CDH7: variants seen among roughly 807,000 people sequenced by gnomAD.
CDH7 encodes the protein cadherin 7.
Under a neutral mutation model 71.8 loss-of-function variants are expected in CDH7, and 25 were observed. The ratio of observed to expected loss-of-function variants is 0.35; its 90% confidence interval spans 0.25 to 0.49. The LOEUF (loss-of-function observed/expected upper bound fraction) is 0.49. CDH7 is among the 20% of genes least tolerant of loss of function. The pLI is 0.99. For synonymous variants in CDH7, 381 were observed against 363.8 expected (o/e 1.05, Z -0.54); for missense variants, 862 against 974.6 (o/e 0.88, Z 1.54).
In CDH7 at chr18:65,857,919, A is replaced by G. The variant is rs1175407222; in HGVS notation, c.1339A>G (p.Ile447Val). ...GTCTTTGGATCGAGAGACAAATGCT[A>G]TTCACAATATCACAGTCCTTGCAAT... ...AKSLDRETNA[I>V]HNITVLAMES... Residue 447 changes from isoleucine to valine, a missense_variant, in exon 8 of 12, where the codon ATT (isoleucine) becomes GTT (valine). Coordinates refer to ENST00000397968, the MANE Select transcript of CDH7 (RefSeq NM_004361.5). 5 of 1,613,602 alleles carry G rather than the reference A, an allele frequency of 3.1e-6. No individual in the cohort carries two copies. The Admixed American group carries it at 5.0e-5, about 16-fold the overall frequency.
chr18:65,800,906 T>G (rs1022857308), intron 2 of CDH7, among the ~76,000 whole-genome samples: 1 of 152,168 alleles, frequency 6.6e-6, no homozygotes, highest in African/African-American at 2.4e-5. Flanking sequence ...CCCTTCATTG[T>G]GAAACTAACT....
chr18:65,831,666 C>T (rs1156761689), intron 6 of CDH7, among the ~76,000 whole-genome samples: 1 of 152,038 alleles, frequency 6.6e-6, no homozygotes, highest in Non-Finnish European at 1.5e-5. Context: ...AGGGAGCTTT[C>T]ACAGCAACAG....
intron 7 of CDH7, among the ~76,000 whole-genome samples, chr18:65,850,138 T>A (rs1294648353): frequency 6.8e-6 from 1 of 146,680 alleles, no homozygotes; most frequent in Non-Finnish European, 1.5e-5. Context: ...CACTCCAGCC[T>A]CAGTGACAGA....
chr18:65,763,080 T>C (rs1421942832), intron 2 of CDH7, 28 bp downstream of exon 2: 2 of 1,493,284 alleles, frequency 1.3e-6, no homozygotes, highest in South Asian at 2.5e-5. Flanking sequence ...TTCAAAGTTG[T>C]AAATGATTAT....
At chr18:65,827,336 T>A (rs944145305) in intron 6 of CDH7, among the ~76,000 whole-genome samples, 1 of 151,898 alleles carries the variant, frequency 6.6e-6, no homozygotes, top group Non-Finnish European at 1.5e-5. Flanking sequence ...TCAATGGTGG[T>A]GAAAAATTTC....
intron 11 of CDH7, among the ~76,000 whole-genome samples, chr18:65,880,125 C>T (rs574706323): frequency 6.6e-6 from 1 of 152,256 alleles, no homozygotes; most frequent in South Asian, 2.1e-4. Flanking sequence ...TCAATTTCTT[C>T]TATCAAATAC....
rs1003404939 is a variant in CDH7 at position 65,887,603 on chromosome 18, A to G, written c.*6709A>G. ...ATTTTGTGTGCGTATGTGTGTGTGT[A>G]TATATAGACAGCATGCGCACACATA... On this transcript the variant is annotated 3_prime_UTR_variant, in exon 12 of 12. Coordinates refer to ENST00000397968, the MANE Select transcript of CDH7 (RefSeq NM_004361.5). 2 of 152,130 alleles carry G rather than the reference A, an allele frequency of 1.3e-5. No homozygotes were observed. Among genetic ancestry groups the G allele is most frequent in the African/African-American group, 4.8e-5 (2 of 41,420 alleles). The allele number at this position is 152,130 out of a possible 1,614,324, so 9.4% of individuals were successfully genotyped here. A position where few individuals can be genotyped will look rare whatever the true frequency, so the allele number is the denominator to read the frequency against.
chr18:65,792,351 G>A (rs1910745205), intron 2 of CDH7, among the ~76,000 whole-genome samples: 1 of 152,074 alleles, frequency 6.6e-6, no homozygotes, highest in Non-Finnish European at 1.5e-5. Context: ...GTCAATGTCT[G>A]TTGAATACAA....
chr18:65,793,301 C>G (rs911249728), intron 2 of CDH7, among the ~76,000 whole-genome samples: 4 of 151,514 alleles, frequency 2.6e-5, no homozygotes, highest in African/African-American at 9.7e-5. Context: ...GTTGCGGTGT[C>G]ACGTGTGTGT....
chr18:65,859,758 C>T lies in CDH7; in HGVS notation c.1545C>T (p.His515=), dbSNP rs1010808629. The change falls in exon 10 of 12, where the codon CAC becomes CAT. Residue 515 remains histidine (H), a synonymous_variant. Transcript: ENST00000397968. The part of the protein sequence containing the change: ...AVDKDEPSNG[H]QFYFSLTTDA... ...ATAAAGATGAGCCATCCAATGGACACCAGTTTTACTTCAGCTTAACAACGG... is the reference window on the plus strand; with the variant it reads ...ATAAAGATGAGCCATCCAATGGACATCAGTTTTACTTCAGCTTAACAACGG... 1 of 1,612,174 alleles carries T rather than the reference C, an allele frequency of 6.2e-7. No individual in the cohort carries two copies. Among genetic ancestry groups the T allele is most frequent in the African/African-American group, 1.3e-5 (1 of 74,850 alleles).
Position 65,844,084 on chromosome 18 carries a change from C to T in CDH7, c.1235+19C>T. ...CTGTGAGGTAAAAACTCATTGTTGT[C>T]CTTTTCTATGGTTTTACAAACAATG... On this transcript the variant is annotated intron_variant, in intron 7 of 11. Coordinates refer to ENST00000397968, the MANE Select transcript of CDH7 (RefSeq NM_004361.5). 1 of 1,606,130 alleles carries T rather than the reference C, an allele frequency of 6.2e-7. No individual in the cohort carries two copies. Among genetic ancestry groups the T allele is most frequent in the Non-Finnish European group, 8.5e-7 (1 of 1,175,934 alleles).
rs1458562949 is a variant in CDH7 at position 65,782,151 on chromosome 18, TTTC to T, written c.210+19102_210+19104del. Among the ~76,000 whole-genome samples the T allele has an allele frequency of 3.9e-4, 46 of 116,514 alleles. 4 individuals carry two copies. Among genetic ancestry groups the T allele is most frequent in the African/African-American group, 1.9e-3 (44 of 22,620 alleles). 76.4% of individuals were successfully genotyped at this position (116,514 alleles called of 152,430 possible). A position where few individuals can be genotyped will look rare whatever the true frequency, so the allele number is the denominator to read the frequency against. ...CTTTCTTTCTTTCTTTCTTTCTTTC[TTTC>T]TTTCTTTCTTCCTTTCTTTCTTTCT... is the stretch of plus-strand genomic sequence containing the variant. On this transcript the variant is annotated intron_variant, in intron 2 of 11. Transcript: ENST00000397968.
At chr18:65,754,160 TTAATTA>T (rs1186989567) in intron 1 of CDH7, among the ~76,000 whole-genome samples, 1 of 152,254 alleles carries the variant, frequency 6.6e-6, no homozygotes, top group African/African-American at 2.4e-5. Context: ...TTTCTTCTAG[TTAATTA>T]TAAACTCTTG....
At chr18:65,801,646 T>G (rs1241037991) in intron 2 of CDH7, among the ~76,000 whole-genome samples, 1 of 152,226 alleles carries the variant, frequency 6.6e-6, no homozygotes, top group Non-Finnish European at 1.5e-5. Flanking sequence ...CTTTTCAGTT[T>G]GCCCTCCTTG....
rs943988579 is a variant in CDH7 at position 65,765,567 on chromosome 18, A to G, written c.210+2515A>G. ...AGAAGATGTGAAGAAATGGCTGGGC[A>G]GATAATCATAGAAAGAAAAAAAGAA... On this transcript the variant is annotated intron_variant, in intron 2 of 11. Coordinates refer to ENST00000397968, the MANE Select transcript of CDH7 (RefSeq NM_004361.5). 9.9e-5 allele frequency among the ~76,000 whole-genome samples: 15 copies of G among 152,070 alleles called. No homozygotes were observed. The Middle Eastern group carries it at 0.014, about 138-fold the overall frequency.
intron 6 of CDH7, among the ~76,000 whole-genome samples, chr18:65,834,977 G>C (rs1476442312): frequency 2.6e-5 from 4 of 152,120 alleles, no homozygotes; most frequent in Admixed American, 2.0e-4. Flanking sequence ...TCAGTAATTT[G>C]GCCTGGGCTC....
chr18:65,771,715 T>C (rs1916548655), intron 2 of CDH7, among the ~76,000 whole-genome samples: 1 of 151,308 alleles, frequency 6.6e-6, no homozygotes, highest in Admixed American at 6.6e-5. Flanking sequence ...ATAGTTTAAC[T>C]GAAGGTTTAG....
chr18:65,769,345 A>G (rs1320492501), intron 2 of CDH7, among the ~76,000 whole-genome samples: 2 of 152,192 alleles, frequency 1.3e-5, no homozygotes, highest in South Asian at 2.1e-4. Flanking sequence ...TTTTCTTGTT[A>G]TTTTAAACAC....
intron 7 of CDH7, among the ~76,000 whole-genome samples, chr18:65,854,566 G>A (rs1913281321): frequency 2.0e-5 from 3 of 152,038 alleles, no homozygotes; most frequent in African/African-American, 7.2e-5. Flanking sequence ...ATAGAAGCAA[G>A]TGTTTTAGTC....
Sources: allele counts gnomAD v4.1 joint callset (sites outside exome capture counted in the v4.1 genomes callset), GRCh38; gene constraint gnomAD v4.1.1; transcripts MANE v1.5; gene names NCBI Gene and HGNC (gene_info 2026-07-23, HGNC 2026-07-21).